The following KCNIP4 variants were observed in gnomAD, a reference collection of about 807,000 sequenced individuals.
KCNIP4 encodes Kv channel-interacting protein 4.
In KCNIP4, 12 loss-of-function variants were observed where a neutral mutation model predicts 34.0. That is an observed-to-expected ratio of 0.35 (90% CI 0.23 to 0.57). The LOEUF (loss-of-function observed/expected upper bound fraction) is 0.57, where lower values mean the gene tolerates loss of function less well. Ranked by LOEUF, KCNIP4 falls within the 20% of genes least tolerant of loss-of-function variation. KCNIP4 has a pLI of 0.83. For missense variants in KCNIP4, 238 were observed against 311.7 expected (o/e 0.76, Z 1.78); for synonymous variants, 124 against 102.2 (o/e 1.21, Z -1.29).
At position 21,370,882 on chromosome 4, in the gene KCNIP4, C is replaced by CACACACACGT. The variant is rs367553482; in HGVS notation, c.62-488174_62-488173insACGTGTGTGT. On this transcript the variant is annotated intron_variant, in intron 1 of 8. Coordinates refer to ENST00000382152, the MANE Select transcript of KCNIP4 (RefSeq NM_025221.6). Reference sequence around the variant, plus strand: ...ACACACACACACACACACACACACACGTGTGTGTGTGTGTGTGTGTATTAG... The same window carrying CACACACACGT: ...ACACACACACACACACACACACACACACACACACGTGTGTGTGTGTGTGTGTGTGTATTAG... Among the ~76,000 whole-genome samples, 138 of 39,362 alleles carry CACACACACGT rather than the reference C, an allele frequency of 3.5e-3. 14 individuals carry two copies. The highest frequency in any genetic ancestry group is 7.6e-3 in the East Asian group (9 of 1,184). 25.8% of individuals were successfully genotyped at this position (39,362 alleles called of 152,430 possible).
At chr4:21,480,944 G>A (rs936245836) in intron 1 of KCNIP4, among the ~76,000 whole-genome samples, 3 of 152,110 alleles carry the variant, frequency 2.0e-5, no homozygotes, top group Non-Finnish European at 2.9e-5. Flanking sequence ...AAAACAGGGT[G>A]ATAGAATAAA....
intron 1 of KCNIP4, among the ~76,000 whole-genome samples, chr4:21,644,167 TGTA>T (rs1219726282): frequency 6.6e-6 from 1 of 152,180 alleles, no homozygotes; most frequent in African/African-American, 2.4e-5. Flanking sequence ...AAGATTGCAA[TGTA>T]GTTACCATCT....
At chr4:20,882,771 G>T in intron 1 of KCNIP4, 62 bp from the exon 2 acceptor site, 1 of 1,324,710 alleles carries the variant, frequency 7.5e-7, no homozygotes. Context: ...ACGTGCTGCA[G>T]GGTTTATCAG....
chr4:21,207,816 C>CA (rs1162681057), intron 1 of KCNIP4, among the ~76,000 whole-genome samples: 2 of 136,888 alleles, frequency 1.5e-5, no homozygotes, highest in African/African-American at 5.4e-5. Flanking sequence ...TTTTCATTTT[C>CA]TTTTTTTTTT....
chr4:21,249,391 G>A (rs914254283), intron 1 of KCNIP4, among the ~76,000 whole-genome samples: 3 of 152,040 alleles, frequency 2.0e-5, no homozygotes, highest in Non-Finnish European at 4.4e-5. Flanking sequence ...GCTGGGGAAG[G>A]GTAAAAGCGA....
intron 1 of KCNIP4, among the ~76,000 whole-genome samples, chr4:21,050,530 C>A (rs984175606): frequency 6.6e-6 from 1 of 152,138 alleles, no homozygotes; most frequent in African/African-American, 2.4e-5. Flanking sequence ...AAGCAAGACT[C>A]ATATATTTTT....
chr4:21,419,754 C>T (rs898220610), intron 1 of KCNIP4, among the ~76,000 whole-genome samples: 3 of 151,986 alleles, frequency 2.0e-5, no homozygotes, highest in African/African-American at 7.3e-5. Context: ...CCTGCCAAGT[C>T]ATTGTTATAA....
chr4:21,045,083 C>T (rs1450634834), intron 1 of KCNIP4, among the ~76,000 whole-genome samples: 1 of 152,168 alleles, frequency 6.6e-6, no homozygotes, highest in African/African-American at 2.4e-5. Context: ...ATAATTTTTG[C>T]TTTTATGTTT....
At chr4:21,842,001 C>T (rs1410242280) in intron 1 of KCNIP4, among the ~76,000 whole-genome samples, 1 of 152,088 alleles carries the variant, frequency 6.6e-6, no homozygotes, top group Non-Finnish European at 1.5e-5. Context: ...TTTTAGGAAC[C>T]CTTCCCTCAG....
chr4:21,077,568 T>G (rs2109013411), intron 1 of KCNIP4, among the ~76,000 whole-genome samples: 1 of 152,288 alleles, frequency 6.6e-6, no homozygotes, highest in East Asian at 1.9e-4. Context: ...AAACTCCAGA[T>G]TTGTTACTTA....
intron 3 of KCNIP4, among the ~76,000 whole-genome samples, chr4:20,788,622 A>G (rs1228277336): frequency 6.6e-6 from 1 of 152,220 alleles, no homozygotes; most frequent in African/African-American, 2.4e-5. Context: ...TAAATAGTCC[A>G]TGCTCTCAGA....
intron 1 of KCNIP4, among the ~76,000 whole-genome samples, chr4:21,886,558 AG>A (rs1726776078): frequency 6.6e-6 from 1 of 152,242 alleles, no homozygotes; most frequent in Admixed American, 6.5e-5. Context: ...CAGTTCCCAC[AG>A]GGGGTGAGAG....
chr4:21,822,799 C>A (rs547169477), intron 1 of KCNIP4, among the ~76,000 whole-genome samples: 28 of 148,798 alleles, frequency 1.9e-4, no homozygotes, highest in African/African-American at 6.7e-4. Context: ...CTCACTGCAA[C>A]CTCTGCCTTC....
At chr4:21,795,030 T>G (rs1345802189) in intron 1 of KCNIP4, among the ~76,000 whole-genome samples, 1 of 152,124 alleles carries the variant, frequency 6.6e-6, no homozygotes, top group Non-Finnish European at 1.5e-5. Flanking sequence ...CAGACTGAAT[T>G]TTCAGTTCCC....
chr4:21,224,545 T>A (rs576034735), intron 1 of KCNIP4, among the ~76,000 whole-genome samples: 1 of 148,566 alleles, frequency 6.7e-6, no homozygotes, highest in South Asian at 2.1e-4. Flanking sequence ...TCTACAGATA[T>A]TCCCCCATGG....
Position 21,174,695 on chromosome 4 carries a change from C to T in KCNIP4, c.62-291986G>A, listed in dbSNP as rs544457519. 5.9e-5 allele frequency among the ~76,000 whole-genome samples: 9 copies of T among 152,048 alleles called. No individual in the cohort carries two copies. The South Asian group carries it at 1.9e-3, about 32-fold the overall frequency. On this transcript the variant is annotated intron_variant, in intron 1 of 8. Coordinates refer to ENST00000382152, the MANE Select transcript of KCNIP4 (RefSeq NM_025221.6). The stretch of plus-strand genomic sequence containing the variant: ...TGGGCAGATCACCTGGGGTCAGGAA[C>T]TCAGATCAAGACCAGCCTGGCCAAC...
At chr4:21,936,233 G>C (rs1729854750) in intron 1 of KCNIP4, among the ~76,000 whole-genome samples, 1 of 151,992 alleles carries the variant, frequency 6.6e-6, no homozygotes, top group Non-Finnish European at 1.5e-5. Flanking sequence ...AGAGATAATT[G>C]AATCATGGGG....
At chr4:20,873,559 T>G (rs1230130842) in intron 2 of KCNIP4, among the ~76,000 whole-genome samples, 1 of 152,202 alleles carries the variant, frequency 6.6e-6, no homozygotes, top group Non-Finnish European at 1.5e-5. Context: ...AGTTTGGTTA[T>G]TAGTTTTGAC....
chr4:20,896,255 T>C (rs562891021), intron 1 of KCNIP4, among the ~76,000 whole-genome samples: 1 of 152,258 alleles, frequency 6.6e-6, no homozygotes, highest in Admixed American at 6.5e-5. Context: ...ACTTAACTCA[T>C]TTACATTAGC....
Sources: gnomAD v4.1 joint callset for allele counts (sites outside exome capture counted in the v4.1 genomes callset) on GRCh38, gnomAD v4.1.1 for gene constraint, MANE v1.5 for transcripts, NCBI Gene and HGNC (gene_info 2026-07-23, HGNC 2026-07-21) for gene names.